NCKAP5: variants seen among roughly 807,000 people sequenced by gnomAD.
NCKAP5 encodes the protein NCK associated protein 5.
In NCKAP5, 92 loss-of-function variants were observed where a neutral mutation model predicts 167.0. The observed-to-expected ratio is 0.55, with a 90% CI of 0.47 to 0.66. The LOEUF (loss-of-function observed/expected upper bound fraction) is 0.66. Ranked by LOEUF, NCKAP5 falls within the 30% of genes least tolerant of loss-of-function variation. The pLI, the probability that NCKAP5 is intolerant of heterozygous loss-of-function variation, is 0.00. For missense variants in NCKAP5, 2,378 were observed against 2,315.0 expected (o/e 1.03, Z -0.56); for synonymous variants, 891 against 877.4 (o/e 1.02, Z -0.27).
intron 7 of NCKAP5, among the ~76,000 whole-genome samples, chr2:132,966,075 A>G (rs2076654245): frequency 6.6e-6 from 1 of 152,190 alleles, no homozygotes; most frequent in South Asian, 2.1e-4. Flanking sequence ...ACATTTATTT[A>G]GCAGTTTGGC....
At chr2:133,622,734 A>T in the NCKAP5 span, among the ~76,000 whole-genome samples, 1 of 152,128 alleles carries the variant, frequency 6.6e-6, no homozygotes, top group East Asian at 1.9e-4. Context: ...TCATACTGCC[A>T]AAAGCCACCT....
chr2:133,039,364 T>G (rs1283667226), intron 6 of NCKAP5, among the ~76,000 whole-genome samples: 2 of 152,180 alleles, frequency 1.3e-5, no homozygotes, highest in African/African-American at 2.4e-5. Context: ...CAAGATAACT[T>G]CTAGTTTAGT....
intron 8 of NCKAP5, among the ~76,000 whole-genome samples, chr2:132,957,328 G>A (rs773279534): frequency 3.9e-5 from 6 of 152,086 alleles, no homozygotes; most frequent in East Asian, 1.9e-4. Context: ...CAATGGATCC[G>A]TAATTCCTAA....
intron 6 of NCKAP5, among the ~76,000 whole-genome samples, chr2:133,115,779 A>G (rs1295968817): frequency 1.8e-3 from 89 of 49,360 alleles, no homozygotes; most frequent in Middle Eastern, 7.9e-3. Context: ...GTGTGTGTAT[A>G]TATATATATA....
chr2:133,415,141 C>G (rs1232888145), intron 3 of NCKAP5, among the ~76,000 whole-genome samples: 1 of 152,216 alleles, frequency 6.6e-6, no homozygotes, highest in Non-Finnish European at 1.5e-5. Context: ...CTGATGCTGC[C>G]TCAGTTCACA....
In NCKAP5 at chr2:132,731,717, G is replaced by T. The variant is rs1463173022; in HGVS notation, c.5443+20C>A. On this transcript the variant is annotated intron_variant, in intron 17 of 19. Coordinates refer to ENST00000409261, the MANE Select transcript of NCKAP5 (RefSeq NM_207363.3). ...TTTGTCAGCAAATGTCTTATTAAGG[G>T]TGGGAAATTGGCATTTTACCTGAGG... 1 of 1,555,708 alleles carries T rather than the reference G, an allele frequency of 6.4e-7. No individual in the cohort carries two copies. The highest frequency in any genetic ancestry group is 1.4e-5 in the African/African-American group (1 of 72,936).
Position 132,732,070 on chromosome 2 carries a change from G to C in NCKAP5, c.5129-19C>G. ...TTGGATTCTGAGATAGAGAGACAGA[G>C]AGAGAAGGGAATAGAGAAGGCTCAC... On this transcript the variant is annotated intron_variant, in intron 16 of 19. Transcript: ENST00000409261. 6.3e-7 allele frequency: 1 copy of C among 1,592,658 alleles called. No individual in the cohort carries two copies. Among genetic ancestry groups the C allele is most frequent in the Non-Finnish European group, 8.6e-7 (1 of 1,167,080 alleles).
At chr2:132,941,725 A>T (rs1295589089) in intron 8 of NCKAP5, among the ~76,000 whole-genome samples, 1 of 152,168 alleles carries the variant, frequency 6.6e-6, no homozygotes, top group African/African-American at 2.4e-5. Flanking sequence ...TCTCCTTTTA[A>T]GGCAATTTGA....
At chr2:133,218,114 T>A (rs2086509681) in intron 4 of NCKAP5, among the ~76,000 whole-genome samples, 1 of 152,126 alleles carries the variant, frequency 6.6e-6, no homozygotes, top group Non-Finnish European at 1.5e-5. Flanking sequence ...TGGGTTATTA[T>A]CTATTGATAT....
chr2:133,130,896 T>C (rs1010439012), intron 5 of NCKAP5, among the ~76,000 whole-genome samples: 2 of 152,222 alleles, frequency 1.3e-5, no homozygotes, highest in African/African-American at 2.4e-5. Flanking sequence ...CATGCTGTTA[T>C]TGTTACTGCT....
In NCKAP5 at chr2:133,370,632, T is replaced by TA. The variant is rs1685741022; in HGVS notation, c.70-67523dup. On this transcript the variant is annotated intron_variant, in intron 3 of 19. Coordinates refer to ENST00000409261, the MANE Select transcript of NCKAP5 (RefSeq NM_207363.3). ...ATAAGCAAATTAGAAGAATTAATAATAAAAATCCTATTAATGTGTATGCAA... is the reference window on the plus strand; with the variant it reads ...ATAAGCAAATTAGAAGAATTAATAATAAAAAATCCTATTAATGTGTATGCAA... Among the ~76,000 whole-genome samples, 3 of 150,688 alleles carry TA rather than the reference T, an allele frequency of 2.0e-5. No homozygotes were observed. The South Asian group carries it at 6.3e-4, about 31-fold the overall frequency.
chr2:133,400,246 G>A (rs1217666555), intron 3 of NCKAP5, among the ~76,000 whole-genome samples: 6 of 152,008 alleles, frequency 3.9e-5, no homozygotes, highest in Non-Finnish European at 8.8e-5. Context: ...AAGTTTAAAT[G>A]TAAAGGATCA....
chr2:132,725,832 C>A (rs139767154), intron 18 of NCKAP5, 73 bp from the exon 19 acceptor site: 1 of 1,459,468 alleles, frequency 6.9e-7, no homozygotes, highest in Non-Finnish European at 9.4e-7. Context: ...TGTGAGGATG[C>A]GACACAGTTC....
the NCKAP5 span, among the ~76,000 whole-genome samples, chr2:133,616,829 G>A: frequency 6.6e-6 from 1 of 152,088 alleles, no homozygotes; most frequent in Non-Finnish European, 1.5e-5. Context: ...TGATACCAAA[G>A]CTGGGCAGAG....
At chr2:133,307,461 G>A (rs941505437) in intron 3 of NCKAP5, among the ~76,000 whole-genome samples, 2 of 151,800 alleles carry the variant, frequency 1.3e-5, no homozygotes, top group East Asian at 1.9e-4. Flanking sequence ...TAGAGTTAAC[G>A]GAAAACAATC....
Position 133,017,369 on chromosome 2 carries a change from G to A in NCKAP5, c.342-23130C>T, listed in dbSNP as rs529307422. Among the ~76,000 whole-genome samples the A allele has an allele frequency of 1.3e-3, 197 of 152,266 alleles. 1 individual carries two copies. The highest frequency in any genetic ancestry group is 4.3e-3 in the African/African-American group (178 of 41,562). On this transcript the variant is annotated intron_variant, in intron 6 of 19. Transcript: ENST00000409261. ...ATTCTTAAAACAAAGCAGGGTCAGG[G>A]TTTAGAAGTATAATATACCTTTCCT...
At chr2:133,574,316 T>C in the NCKAP5 span, among the ~76,000 whole-genome samples, 1 of 152,100 alleles carries the variant, frequency 6.6e-6, no homozygotes, top group Non-Finnish European at 1.5e-5. Flanking sequence ...CGCTAGGATG[T>C]GATGAGGAGC....
At chr2:133,436,136 A>G (rs1690462065) in intron 3 of NCKAP5, among the ~76,000 whole-genome samples, 1 of 152,176 alleles carries the variant, frequency 6.6e-6, no homozygotes, top group African/African-American at 2.4e-5. Context: ...ATGTAGCCCA[A>G]CTACAAGTAT....
intron 4 of NCKAP5, among the ~76,000 whole-genome samples, chr2:133,261,881 A>G (rs2088924184): frequency 6.6e-6 from 1 of 152,218 alleles, no homozygotes; most frequent in Non-Finnish European, 1.5e-5. Context: ...AATAATACCC[A>G]GGAATGCCAA....
Sources: allele counts gnomAD v4.1 joint callset (sites outside exome capture counted in the v4.1 genomes callset), GRCh38; gene constraint gnomAD v4.1.1; transcripts MANE v1.5; gene names NCBI Gene and HGNC (gene_info 2026-07-23, HGNC 2026-07-21).